The following DAZL variants were observed in gnomAD, a reference collection of about 807,000 sequenced individuals.
DAZL encodes deleted in azoospermia like, also known as deleted in azoospermia-like.
In DAZL, 4 loss-of-function variants were observed where a neutral mutation model predicts 45.0. The observed-to-expected ratio is 0.09, with a 90% CI of 0.04 to 0.20. The LOEUF is 0.20. Ranked by LOEUF, DAZL falls within the 10% of genes least tolerant of loss-of-function variation. The probability of loss-of-function intolerance (pLI) is 1.00; values close to 1 mark genes in which losing one functional copy is unlikely to be tolerated. For synonymous variants in DAZL, 122 were observed against 112.4 expected (o/e 1.09, Z -0.54); for missense variants, 326 against 351.3 (o/e 0.93, Z 0.58).
At chr3:16,591,320 C>A (rs1463726860) in intron 10 of DAZL, among the ~76,000 whole-genome samples, 1 of 152,124 alleles carries the variant, frequency 6.6e-6, no homozygotes, top group Non-Finnish European at 1.5e-5. Flanking sequence ...ACCTCCAATT[C>A]TTTCTACTCA....
intron 10 of DAZL, among the ~76,000 whole-genome samples, chr3:16,589,396 G>A (rs1224790488): frequency 6.6e-6 from 1 of 152,088 alleles, no homozygotes; most frequent in Non-Finnish European, 1.5e-5. Context: ...TAGGACCTCA[G>A]TTTCACTGTC....
intron 3 of DAZL, 72 bp from the exon 4 acceptor site, chr3:16,597,613 G>A (rs1694620440): frequency 1.3e-5 from 12 of 927,480 alleles, no homozygotes; most frequent in South Asian, 3.9e-5. Context: ...TACTATATAC[G>A]GAAGTGATCA....
At chr3:16,602,335 GA>G (rs1271445750) in intron 1 of DAZL, among the ~76,000 whole-genome samples, 1 of 152,080 alleles carries the variant, frequency 6.6e-6, no homozygotes, top group Non-Finnish European at 1.5e-5. Flanking sequence ...ACAATCTTGA[GA>G]AAAAACACCT....
intron 10 of DAZL, among the ~76,000 whole-genome samples, chr3:16,591,203 A>G (rs1297653574): frequency 6.6e-6 from 1 of 152,144 alleles, no homozygotes; most frequent in Non-Finnish European, 1.5e-5. Flanking sequence ...TGGAGTCTTA[A>G]TAAGATTTAT....
At position 16,588,663 on chromosome 3, in the gene DAZL, A is replaced by C; in HGVS notation, c.885T>G (p.Val295=). The C allele has an allele frequency of 1.2e-6, 2 of 1,610,256 alleles. No homozygotes were observed. Among genetic ancestry groups the C allele is most frequent in the Non-Finnish European group, 1.7e-6 (2 of 1,176,836 alleles). The change falls in exon 11 of 11, where the codon GTT becomes GTG. Residue 295 remains valine, a synonymous_variant. Transcript: ENST00000399444. ...GTAACTAGATAAGCCAGGAGGATCA[A>C]ACAGATTTAAGCATTGCCCGACTTC... ...FRRSRAMLKS[V] is the part of the protein sequence containing the mutation.
chr3:16,604,942 G>A (rs1282177238), intron 1 of DAZL, among the ~76,000 whole-genome samples: 3 of 152,220 alleles, frequency 2.0e-5, no homozygotes, highest in Admixed American at 1.3e-4. Flanking sequence ...GCCCTTGCAC[G>A]TGGCCGGCGA....
At chr3:16,598,268 C>A in intron 2 of DAZL, 90 bp from the exon 3 acceptor site, 2 of 1,424,710 alleles carry the variant, frequency 1.4e-6, no homozygotes, top group Non-Finnish European at 2.0e-6. Context: ...GTGACAATTT[C>A]TCCCCCATTT....
rs376220209 is a variant in DAZL, at chr3:16,593,692, T to A, written c.698A>T (p.His233Leu). The A allele has an allele frequency of 6.2e-7, 1 of 1,612,518 alleles. No homozygotes were observed. The highest frequency in any genetic ancestry group is 2.2e-5 in the East Asian group (1 of 44,828). The change falls in exon 9 of 11, where the codon CAT (histidine) becomes CTT (leucine). Residue 233 changes from histidine (H) to leucine (L), a missense_variant. This residue lies in a region of DAZL where 227 missense variants were observed against 216.6 expected (regional missense o/e 1.05). Transcript: ENST00000399444. ...ATTTCCAGAGGGTGGAGTAGCTTCATGAACTGAACATTCATTTGGCACAAC... is the reference window on the plus strand; with the variant it reads ...ATTTCCAGAGGGTGGAGTAGCTTCAAGAACTGAACATTCATTTGGCACAAC... ...AEVVPNECSV[H>L]EATPPSGNGP...
rs1003649268 is a variant in DAZL, at chr3:16,594,648, G to A, written c.571-65C>T. On this transcript the variant is annotated intron_variant, in intron 7 of 10. Transcript: ENST00000399444. ...TTCCTACAAATTTTCAAAAACACAC[G>A]AGATACACAATATTGAAGTACTTAT... The A allele has an allele frequency of 5.2e-5, 58 of 1,122,606 alleles. No homozygotes were observed. In the Admixed American group the frequency reaches 7.3e-4, roughly 14 times the overall value. 69.5% of individuals were successfully genotyped at this position (1,122,606 alleles called of 1,614,324 possible). A position where few individuals can be genotyped will look rare whatever the true frequency, so the allele number is the denominator to read the frequency against.
rs1694449043 is a variant in DAZL, at chr3:16,587,101, C to A, written c.*1559G>T. On this transcript the variant is annotated 3_prime_UTR_variant, in exon 11 of 11. Transcript: ENST00000399444. ...TTATAGCACCAAAAAAACTACAGAT[C>A]ATTTTTAAATGGACAAATTCATAGT... The A allele has an allele frequency of 2.0e-5, 3 of 152,094 alleles. No individual in the cohort carries two copies. The highest frequency in any genetic ancestry group is 7.2e-5 in the African/African-American group (3 of 41,416). The allele number at this position is 152,094 out of a possible 1,614,324, so 9.4% of individuals were successfully genotyped here.
intron 1 of DAZL, chr3:16,604,803 G>A: frequency 7.7e-7 from 1 of 1,296,962 alleles, no homozygotes; most frequent in Non-Finnish European, 1.0e-6. Flanking sequence ...GGGAGGGGCG[G>A]AGGCGCGTGA....
rs2125045153 is a variant in DAZL at position 16,594,600 on chromosome 3, A to G, written c.571-17T>C. 2.8e-6 allele frequency: 4 copies of G among 1,425,468 alleles called. No individual in the cohort carries two copies. The highest frequency in any genetic ancestry group is 3.8e-6 in the Non-Finnish European group (4 of 1,041,656). 88.3% of individuals were successfully genotyped at this position (1,425,468 alleles called of 1,614,324 possible). ...TGGTGGCATCTTAAAAAAAAAAAAA[A>G]GGAAACCAAAATTATTCAAATATTC... On this transcript the variant is annotated splice_polypyrimidine_tract_variant and intron_variant, in intron 7 of 10. Transcript: ENST00000399444.
rs891427293 is a variant in DAZL at position 16,587,761 on chromosome 3, T to A, written c.*899A>T. 1.3e-5 allele frequency: 2 copies of A among 159,518 alleles called. No individual in the cohort carries two copies. The highest frequency in any genetic ancestry group is 6.5e-5 in the Admixed American group (1 of 15,324). 9.9% of individuals were successfully genotyped at this position (159,518 alleles called of 1,614,324 possible). On this transcript the variant is annotated 3_prime_UTR_variant, in exon 11 of 11. Transcript: ENST00000399444. ...TCTATTTATAGCAAGTAACTAATAT[T>A]TCAATGTTTTTATAAAAACAATTCC...
rs181903486 is a variant in DAZL at position 16,591,191 on chromosome 3, A to C, written c.834+859T>G. ...ACCTTCTCATTTTAGACTTGTAAAA[A>C]CTGGAGTCTTAATAAGATTTATCTA... On this transcript the variant is annotated intron_variant, in intron 10 of 10. Transcript: ENST00000399444. 2.2e-4 allele frequency among the ~76,000 whole-genome samples: 34 copies of C among 152,206 alleles called. 1 individual carries two copies. Among genetic ancestry groups the C allele is most frequent in the Admixed American group, 2.2e-3 (33 of 15,284 alleles).
intron 1 of DAZL, among the ~76,000 whole-genome samples, chr3:16,604,221 C>T (rs1385659031): frequency 6.6e-6 from 1 of 152,130 alleles, no homozygotes; most frequent in Non-Finnish European, 1.5e-5. Context: ...GCATGTAATA[C>T]GCGCGTTCGT....
At position 16,604,758 on chromosome 3, in the gene DAZL, A is replaced by T. The variant is rs981147091; in HGVS notation, c.3+445T>A. The T allele has an allele frequency of 2.2e-6, 3 of 1,356,090 alleles. No individual in the cohort carries two copies. In the African/African-American group the frequency reaches 4.5e-5, roughly 20 times the overall value. 84.0% of individuals were successfully genotyped at this position (1,356,090 alleles called of 1,614,324 possible). A position where few individuals can be genotyped will look rare whatever the true frequency, so the allele number is the denominator to read the frequency against. On this transcript the variant is annotated intron_variant, in intron 1 of 10. Coordinates refer to ENST00000399444, the MANE Select transcript of DAZL (RefSeq NM_001351.4). ...GGAGCCACGGGGAGAGCGCGCCAGA[A>T]ATGAGGCTGGCGGGGCGGAGGCGCG...
chr3:16,593,872 G>T, intron 8 of DAZL, 104 bp from the exon 9 acceptor site: 1 of 706,064 alleles, frequency 1.4e-6, no homozygotes. Context: ...TTCAATGTAG[G>T]TTGTGTTGAA....
intron 1 of DAZL, among the ~76,000 whole-genome samples, chr3:16,602,846 T>C (rs1227431894): frequency 6.6e-6 from 1 of 152,212 alleles, no homozygotes; most frequent in Non-Finnish European, 1.5e-5. Flanking sequence ...GTCATCTCCA[T>C]TGAAATTAGG....
Position 16,591,331 on chromosome 3 carries a change from A to G in DAZL, c.834+719T>C, listed in dbSNP as rs183774574. Among the ~76,000 whole-genome samples, 25 of 152,252 alleles carry G rather than the reference A, an allele frequency of 1.6e-4. No individual in the cohort carries two copies. The East Asian group carries it at 3.5e-3, about 21-fold the overall frequency. ...ATCAACCTCCAATTCTTTCTACTCAACATTTTACTGCTTCACTTTACCCCT... is the reference window on the plus strand; with the variant it reads ...ATCAACCTCCAATTCTTTCTACTCAGCATTTTACTGCTTCACTTTACCCCT... On this transcript the variant is annotated intron_variant, in intron 10 of 10. Transcript: ENST00000399444.
Sources: gnomAD v4.1 joint callset for allele counts (sites outside exome capture counted in the v4.1 genomes callset) on GRCh38, gnomAD v4.1.1 for gene constraint, gnomAD v4.1.1 regional missense constraint, MANE v1.5 for transcripts, NCBI Gene and HGNC (gene_info 2026-07-23, HGNC 2026-07-21) for gene names.